PDE4B: variants seen among roughly 807,000 people sequenced by gnomAD.
PDE4B encodes the protein 3',5'-cyclic-AMP phosphodiesterase 4B.
PDE4B carries 20 observed loss-of-function variants against 82.2 expected under a neutral mutation model. The ratio of observed to expected loss-of-function variants is 0.24; its 90% CI spans 0.17 to 0.35. The LOEUF is 0.35. Among genes scored for constraint, PDE4B ranks in the 10% least tolerant of loss-of-function variants. The pLI is 1.00. For synonymous variants in PDE4B, 320 were observed against 318.9 expected, an observed-to-expected ratio of 1.00 and a Z score of -0.04; for missense variants, 655 against 907.2, an observed-to-expected ratio of 0.72 and a Z score of 3.57.
chr1:66,266,003 C>T, intron 6 of PDE4B, 35 bp from the exon 7 acceptor site: 1 of 1,575,400 alleles, frequency 6.3e-7, no homozygotes, highest in South Asian at 1.1e-5. Context: ...AGTTTTGATA[C>T]ACAGACTCAG....
At chr1:65,874,325 A>C (rs1203686962) in intron 1 of PDE4B, among the ~76,000 whole-genome samples, 2 of 152,058 alleles carry the variant, frequency 1.3e-5, no homozygotes, top group African/African-American at 2.4e-5. Context: ...GGGCTGAGAC[A>C]ATGGGGTTTT....
chr1:66,280,732 C>T (rs1024636471), intron 7 of PDE4B, among the ~76,000 whole-genome samples: 1 of 152,096 alleles, frequency 6.6e-6, no homozygotes, highest in African/African-American at 2.4e-5. Context: ...GCACCAGGCC[C>T]CCTTCTAAAG....
At chr1:66,250,835 A>G (rs1653713300) in intron 4 of PDE4B, among the ~76,000 whole-genome samples, 1 of 152,216 alleles carries the variant, frequency 6.6e-6, no homozygotes, top group African/African-American at 2.4e-5. Flanking sequence ...GCCACAGGAA[A>G]GGAAACTCCA....
chr1:65,869,911 TA>T (rs1646554721), intron 1 of PDE4B, among the ~76,000 whole-genome samples: 7 of 152,066 alleles, frequency 4.6e-5, no homozygotes, highest in Admixed American at 4.6e-4. Flanking sequence ...AATCCTCTCA[TA>T]AGGCAATTAT....
rs115457681 is a variant in PDE4B at position 65,859,624 on chromosome 1, A to G, written c.-70-53621A>G. On this transcript the variant is annotated intron_variant, in intron 1 of 16. Transcript: ENST00000341517. ...GTCGTCAAAAGCGAGCTTGCTGTAA[A>G]AAAAGGAAAATAACAAAAATTAATT... Among the ~76,000 whole-genome samples, 462 of 152,328 alleles carry G rather than the reference A, an allele frequency of 3.0e-3. 4 individuals are homozygous for G. The highest frequency in any genetic ancestry group is 0.01 in the African/African-American group (435 of 41,572).
chr1:65,893,025 AC>A (rs1646869253), intron 1 of PDE4B, among the ~76,000 whole-genome samples: 1 of 152,052 alleles, frequency 6.6e-6, no homozygotes, highest in Admixed American at 6.6e-5. Context: ...TTTTTATTGT[AC>A]CCCCTAAAGG....
At chr1:66,030,459 G>T (rs1031827329) in intron 3 of PDE4B, among the ~76,000 whole-genome samples, 7 of 152,142 alleles carry the variant, frequency 4.6e-5, no homozygotes, top group African/African-American at 1.4e-4. Context: ...GGTAGAATTT[G>T]GCTGTGAAGC....
chr1:66,139,412 G>T (rs1397664948), intron 3 of PDE4B, among the ~76,000 whole-genome samples: 1 of 151,926 alleles, frequency 6.6e-6, no homozygotes, highest in Non-Finnish European at 1.5e-5. Flanking sequence ...CTTCAAGCCA[G>T]CAAAGGCACG....
At chr1:66,235,564 TC>T (rs1652343246) in intron 3 of PDE4B, among the ~76,000 whole-genome samples, 2 of 152,232 alleles carry the variant, frequency 1.3e-5, no homozygotes, top group Non-Finnish European at 2.9e-5. Context: ...TTCATTCTTT[TC>T]CTTTTAACCT....
At chr1:65,831,387 T>TA (rs1646080086) in intron 1 of PDE4B, among the ~76,000 whole-genome samples, 1 of 152,182 alleles carries the variant, frequency 6.6e-6, no homozygotes, top group Admixed American at 6.6e-5. Context: ...GATAGAATAG[T>TA]AAGGAGACCT....
chr1:66,191,601 G>A (rs1052631371), intron 3 of PDE4B, among the ~76,000 whole-genome samples: 3 of 152,088 alleles, frequency 2.0e-5, no homozygotes, highest in Admixed American at 6.5e-5. Flanking sequence ...CTGCCTTTTT[G>A]TCAAGTTAAG....
At chr1:66,191,883 A>G (rs1287380972) in intron 3 of PDE4B, among the ~76,000 whole-genome samples, 2 of 152,070 alleles carry the variant, frequency 1.3e-5, no homozygotes, top group African/African-American at 4.8e-5. Flanking sequence ...AAACCATCAG[A>G]TCTTGTGAGA....
intron 1 of PDE4B, among the ~76,000 whole-genome samples, chr1:65,844,576 A>G (rs1225124409): frequency 6.6e-6 from 1 of 152,228 alleles, no homozygotes; most frequent in Non-Finnish European, 1.5e-5. Flanking sequence ...AAAAGTAAAC[A>G]AAACAAAATA....
intron 3 of PDE4B, among the ~76,000 whole-genome samples, chr1:65,994,413 A>T (rs753853797): frequency 6.6e-6 from 1 of 152,098 alleles, no homozygotes; most frequent in Non-Finnish European, 1.5e-5. Context: ...TTCTTTGGTC[A>T]TCTTCTTGAT....
chr1:66,088,014 A>G (rs535516296), intron 3 of PDE4B, among the ~76,000 whole-genome samples: 59 of 152,108 alleles, frequency 3.9e-4, no homozygotes, highest in Admixed American at 2.1e-3. Context: ...AACTTAAAGT[A>G]TAATAATAAT....
intron 1 of PDE4B, among the ~76,000 whole-genome samples, chr1:65,885,864 A>AATC (rs1646769660): frequency 7.0e-6 from 1 of 142,636 alleles, no homozygotes; most frequent in Non-Finnish European, 1.5e-5. Context: ...GTATAATAAT[A>AATC]ATAATAATAA....
chr1:65,834,468 A>G (rs1646118537), intron 1 of PDE4B, among the ~76,000 whole-genome samples: 1 of 152,188 alleles, frequency 6.6e-6, no homozygotes, highest in Admixed American at 6.5e-5. Context: ...TATACCTTAT[A>G]TGAAGGATTT....
At chr1:66,121,961 C>T (rs1017575459) in intron 3 of PDE4B, among the ~76,000 whole-genome samples, 1 of 152,116 alleles carries the variant, frequency 6.6e-6, no homozygotes, top group African/African-American at 2.4e-5. Context: ...TCATTGTCTC[C>T]TTCCGTCCCT....
At chr1:65,988,851 T>G (rs577328809) in intron 3 of PDE4B, among the ~76,000 whole-genome samples, 2 of 152,084 alleles carry the variant, frequency 1.3e-5, no homozygotes, top group Non-Finnish European at 2.9e-5. Flanking sequence ...TCGTAGAAAA[T>G]TTATTCCAGG....
Sources: gnomAD v4.1 joint callset for allele counts (sites outside exome capture counted in the v4.1 genomes callset) on GRCh38, gnomAD v4.1.1 for gene constraint, MANE v1.5 for transcripts, NCBI Gene and HGNC (gene_info 2026-07-23, HGNC 2026-07-21) for gene names.